The following IQSEC1 variants were observed in gnomAD, a reference collection of about 807,000 sequenced individuals.
The protein encoded by IQSEC1 is IQ motif and Sec7 domain ArfGEF 1, also known as IQ motif and SEC7 domain-containing protein 1.
A neutral mutation model predicts 91.0 loss-of-function variants in IQSEC1; 31 were observed. The observed-to-expected ratio is 0.34, with a 90% CI of 0.26 to 0.46. The LOEUF is 0.46. Ranked by LOEUF, IQSEC1 falls within the 20% of genes least tolerant of loss-of-function variation. IQSEC1 has a pLI of 1.00. For missense variants in IQSEC1, 1,388 were observed against 1,575.6 expected, an observed-to-expected ratio of 0.88 and a Z score of 2.02; for synonymous variants, 699 against 662.6, an observed-to-expected ratio of 1.05 and a Z score of -0.84.
chr3:13,272,925 A>G (rs193293777), intron 1 of IQSEC1, among the ~76,000 whole-genome samples: 221 of 152,330 alleles, frequency 1.5e-3, no homozygotes, highest in African/African-American at 3.8e-3. Context: ...GATAAGAGAC[A>G]TGTGCTGAAA....
chr3:12,936,742 C>T, intron 2 of IQSEC1, 45 bp from the exon 3 acceptor site: 1 of 1,495,324 alleles, frequency 6.7e-7, no homozygotes, highest in Non-Finnish European at 9.0e-7. Flanking sequence ...CATGTAGGCA[C>T]AGTGCGACAT....
intron 3 of IQSEC1, among the ~76,000 whole-genome samples, chr3:12,932,667 A>G (rs1559638336): frequency 6.6e-6 from 1 of 152,176 alleles, no homozygotes; most frequent in East Asian, 1.9e-4. Context: ...GCTGCCATCC[A>G]CTGCACAAAC....
intron 1 of IQSEC1, among the ~76,000 whole-genome samples, chr3:13,204,094 C>T (rs1158246956): frequency 6.6e-6 from 1 of 152,230 alleles, no homozygotes; most frequent in Non-Finnish European, 1.5e-5. Context: ...AGGACGCAGG[C>T]ACTCTACACC....
chr3:13,208,034 C>T (rs1052328607), intron 1 of IQSEC1, among the ~76,000 whole-genome samples: 9 of 152,006 alleles, frequency 5.9e-5, no homozygotes, highest in African/African-American at 1.9e-4. Flanking sequence ...TTCTATGATT[C>T]ATTAAACAAT....
chr3:12,938,135 G>A (rs997507786), intron 2 of IQSEC1, among the ~76,000 whole-genome samples: 34 of 152,250 alleles, frequency 2.2e-4, no homozygotes. Context: ...TTGGGGTGCT[G>A]GGGTGGCGTG....
intron 1 of IQSEC1, among the ~76,000 whole-genome samples, chr3:13,236,280 C>T (rs1318966310): frequency 6.6e-6 from 1 of 152,174 alleles, no homozygotes; most frequent in Non-Finnish European, 1.5e-5. Context: ...TCACAGGTCC[C>T]CCAAGGCTGC....
intron 1 of IQSEC1, among the ~76,000 whole-genome samples, chr3:12,944,620 G>A (rs984144394): frequency 3.3e-5 from 5 of 152,234 alleles, no homozygotes; most frequent in African/African-American, 1.2e-4. Flanking sequence ...AAGCACTTCA[G>A]TCAGGCGCCA....
intron 1 of IQSEC1, among the ~76,000 whole-genome samples, chr3:12,985,272 A>G (rs1461431869): frequency 6.6e-6 from 1 of 152,102 alleles, no homozygotes; most frequent in Non-Finnish European, 1.5e-5. Flanking sequence ...AGGCTGCCAT[A>G]CACGCTGGGC....
intron 1 of IQSEC1, among the ~76,000 whole-genome samples, chr3:13,165,555 T>TGG (rs1693475993): frequency 7.3e-6 from 1 of 136,712 alleles, no homozygotes; most frequent in Non-Finnish European, 1.6e-5. Flanking sequence ...TGTGTGTGTG[T>TGG]GTGTGTGTGT....
At chr3:13,136,184 G>C (rs1706707190) in intron 2 of IQSEC1, among the ~76,000 whole-genome samples, 1 of 152,216 alleles carries the variant, frequency 6.6e-6, no homozygotes, top group Non-Finnish European at 1.5e-5. Context: ...TGAGGGCCTT[G>C]GGACTGAGGA....
At chr3:13,171,185 T>G (rs746333977) in intron 1 of IQSEC1, among the ~76,000 whole-genome samples, 40 of 152,138 alleles carry the variant, frequency 2.6e-4, no homozygotes, top group Admixed American at 5.9e-4. Flanking sequence ...TATCCTTTCA[T>G]TATGCATGTA....
Position 12,935,430 on chromosome 3 carries a change from G to T in IQSEC1, c.1568+18C>A, listed in dbSNP as rs1400252415. ...AAGCCACAGCTGCCCACCCTGAGGG[G>T]TCACCCATGGTACTCACTTGTTGAA... On this transcript the variant is annotated intron_variant, in intron 3 of 13. Coordinates refer to ENST00000613206, the MANE Select transcript of IQSEC1 (RefSeq NM_001134382.3). The surrounding 1 kb of genome is among the most constrained non-coding windows in gnomAD (Gnocchi z 8.0). 1.9e-6 allele frequency: 3 copies of T among 1,593,062 alleles called. No homozygotes were observed. Among genetic ancestry groups the T allele is most frequent in the Non-Finnish European group, 2.6e-6 (3 of 1,165,244 alleles).
intron 1 of IQSEC1, among the ~76,000 whole-genome samples, chr3:13,278,242 T>TGGGCTTCC (rs2125155934): frequency 6.6e-6 from 1 of 152,198 alleles, no homozygotes; most frequent in South Asian, 2.1e-4. Flanking sequence ...GCCACTCCAC[T>TGGGCTTCC]GGGCTTCCCC....
At chr3:13,236,602 G>A (rs1285626978) in intron 1 of IQSEC1, among the ~76,000 whole-genome samples, 2 of 152,128 alleles carry the variant, frequency 1.3e-5, no homozygotes, top group African/African-American at 4.8e-5. Context: ...CCCTCTCACT[G>A]AGCCAACCAT....
intron 1 of IQSEC1, among the ~76,000 whole-genome samples, chr3:13,248,172 C>A (rs1695138610): frequency 6.6e-6 from 1 of 152,228 alleles, no homozygotes; most frequent in African/African-American, 2.4e-5. Flanking sequence ...GAAACCTGGG[C>A]TCTTTCCAAG....
At chr3:12,989,533 C>T (rs546955943) in intron 1 of IQSEC1, among the ~76,000 whole-genome samples, 1 of 152,308 alleles carries the variant, frequency 6.6e-6, no homozygotes, top group African/African-American at 2.4e-5. Context: ...AGCTAGGAAG[C>T]TGACAGCTGG....
At chr3:13,156,064 C>CA (rs34638350) in intron 2 of IQSEC1, among the ~76,000 whole-genome samples, 53 of 129,884 alleles carry the variant, frequency 4.1e-4, no homozygotes, top group African/African-American at 6.6e-4. Context: ...ACTAAAAATA[C>CA]AAAAAAAAAA....
chr3:13,081,212 T>C (rs766154592), intron 2 of IQSEC1, among the ~76,000 whole-genome samples: 14 of 152,234 alleles, frequency 9.2e-5, no homozygotes, highest in Admixed American at 2.6e-4. Context: ...CCAATAAAAG[T>C]TGGCATCTCT....
chr3:13,011,351 G>T (rs1398918721), intron 1 of IQSEC1, among the ~76,000 whole-genome samples: 1 of 152,128 alleles, frequency 6.6e-6, no homozygotes, highest in Non-Finnish European at 1.5e-5. Flanking sequence ...TTTTACTTGG[G>T]GATAATCATC....
Sources: allele counts gnomAD v4.1 joint callset (sites outside exome capture counted in the v4.1 genomes callset), GRCh38; gene constraint gnomAD v4.1.1; non-coding constraint Gnocchi (gnomAD v3.1); transcripts MANE v1.5; gene names NCBI Gene and HGNC (gene_info 2026-07-23, HGNC 2026-07-21).